Variants in ST8SIA5 observed in about 807,000 individuals in gnomAD.
The protein encoded by ST8SIA5 is alpha-2,8-sialyltransferase 8E.
In ST8SIA5, 24 loss-of-function variants were observed where a neutral mutation model predicts 40.2. The observed-to-expected ratio is 0.60, with a 90% CI of 0.43 to 0.84. The LOEUF (loss-of-function observed/expected upper bound fraction) is 0.84, where lower values mean the gene tolerates loss of function less well. Among genes scored for constraint, ST8SIA5 ranks in the 40% least tolerant of loss-of-function variants. ST8SIA5 has a pLI of 0.00. For synonymous variants in ST8SIA5, 198 were observed against 201.8 expected (o/e 0.98, Z 0.16); for missense variants, 465 against 498.5 (o/e 0.93, Z 0.64).
At chr18:46,690,557 A>C (rs949228178) in intron 3 of ST8SIA5, among the ~76,000 whole-genome samples, 1 of 149,768 alleles carries the variant, frequency 6.7e-6, no homozygotes, top group African/African-American at 2.5e-5. Context: ...TTCTCTTGCC[A>C]CATCATTTCC....
At position 46,674,298 on chromosome 18, in the gene ST8SIA5, G is replaced by A. The variant is rs180949407; in HGVS notation, c.*5744C>T. The A allele has an allele frequency of 6.6e-6, 1 of 152,262 alleles. No individual in the cohort carries two copies. The highest frequency in any genetic ancestry group is 1.9e-4 in the East Asian group (1 of 5,184). 9.4% of individuals were successfully genotyped at this position (152,262 alleles called of 1,614,324 possible). ...ATTGGCTAGCCAGCAAAAAGCAGAT[G>A]AGCAGGATTATAATGAGGGAAAACA... On this transcript the variant is annotated 3_prime_UTR_variant, in exon 7 of 7. Coordinates refer to ENST00000315087, the MANE Select transcript of ST8SIA5 (RefSeq NM_013305.6).
intron 4 of ST8SIA5, among the ~76,000 whole-genome samples, chr18:46,687,297 G>A (rs2039457983): frequency 6.6e-6 from 1 of 152,238 alleles, no homozygotes; most frequent in South Asian, 2.1e-4. Flanking sequence ...GTTTACTCAT[G>A]TCTGTAGCTG....
chr18:46,747,616 G>A (rs2040153311), intron 1 of ST8SIA5, among the ~76,000 whole-genome samples: 1 of 152,214 alleles, frequency 6.6e-6, no homozygotes, highest in Admixed American at 6.5e-5. Flanking sequence ...CTTTTACACT[G>A]TTGGTGGGAG....
At chr18:46,707,767 T>C (rs565701777) in intron 1 of ST8SIA5, among the ~76,000 whole-genome samples, 1 of 152,338 alleles carries the variant, frequency 6.6e-6, no homozygotes, top group South Asian at 2.1e-4. Flanking sequence ...AATGGGATCA[T>C]TGCCCTTACA....
At chr18:46,725,980 T>TATATATATATATATATATATATCCTGG (rs2039919215) in intron 1 of ST8SIA5, among the ~76,000 whole-genome samples, 2 of 54,044 alleles carry the variant, frequency 3.7e-5, no homozygotes, top group African/African-American at 1.7e-4. Context: ...AAAATATATA[T>TATATATATATATATATATATATCCTGG]ATATATATAT....
At chr18:46,707,762 G>A (rs796995890) in intron 1 of ST8SIA5, among the ~76,000 whole-genome samples, 3 of 152,292 alleles carry the variant, frequency 2.0e-5, no homozygotes, top group African/African-American at 7.2e-5. Context: ...CCATGAATGG[G>A]ATCATTGCCC....
intron 1 of ST8SIA5, among the ~76,000 whole-genome samples, chr18:46,721,083 C>A (rs1375897403): frequency 2.0e-5 from 3 of 152,114 alleles, no homozygotes; most frequent in African/African-American, 7.2e-5. Context: ...GGCCCCCACC[C>A]CTAAATGGAG....
At chr18:46,727,736 A>C (rs1052995703) in intron 1 of ST8SIA5, among the ~76,000 whole-genome samples, 2 of 152,150 alleles carry the variant, frequency 1.3e-5, no homozygotes, top group African/African-American at 2.4e-5. Flanking sequence ...AGAGCAGAGA[A>C]AGTATTCAAG....
At chr18:46,686,005 C>T (rs1361435167) in intron 5 of ST8SIA5, 169 bp downstream of exon 5, 1 of 649,806 alleles carries the variant, frequency 1.5e-6, no homozygotes, top group Non-Finnish European at 2.7e-6. Context: ...TCAACGACTT[C>T]CCCAAAGGGA....
intron 5 of ST8SIA5, among the ~76,000 whole-genome samples, chr18:46,682,890 A>C (rs1599097806): frequency 6.6e-6 from 1 of 152,244 alleles, no homozygotes; most frequent in Non-Finnish European, 1.5e-5. Flanking sequence ...CTAGGAAATG[A>C]AAAAGGAAAC....
chr18:46,684,544 CA>C (rs2039427334), intron 5 of ST8SIA5, among the ~76,000 whole-genome samples: 1 of 152,136 alleles, frequency 6.6e-6, no homozygotes. Flanking sequence ...GTAACTTACG[CA>C]AAGTAACACA....
Position 46,756,583 on chromosome 18 carries a change from G to A in ST8SIA5, c.-75C>T. 2.7e-6 allele frequency: 4 copies of A among 1,505,758 alleles called. No homozygotes were observed. Among genetic ancestry groups the A allele is most frequent in the East Asian group, 2.5e-5 (1 of 40,504 alleles). 93.3% of individuals were successfully genotyped at this position (1,505,758 alleles called of 1,614,324 possible). ...ACTCGCGGGGTTCCGGGGCCCCGGGGGGCGCGCGGCCGACTTGGCGCCTCA... is the reference window on the plus strand; with the variant it reads ...ACTCGCGGGGTTCCGGGGCCCCGGGAGGCGCGCGGCCGACTTGGCGCCTCA... On this transcript the variant is annotated 5_prime_UTR_variant, in exon 1 of 7. Coordinates refer to ENST00000315087, the MANE Select transcript of ST8SIA5 (RefSeq NM_013305.6).
chr18:46,688,485 C>T (rs115339464), intron 4 of ST8SIA5, among the ~76,000 whole-genome samples: 34 of 152,348 alleles, frequency 2.2e-4, no homozygotes, highest in African/African-American at 7.7e-4. Flanking sequence ...CTCTCCCTAT[C>T]TGCAGGATAT....
At chr18:46,754,036 A>G (rs2144578185) in intron 1 of ST8SIA5, among the ~76,000 whole-genome samples, 1 of 152,242 alleles carries the variant, frequency 6.6e-6, no homozygotes, top group East Asian at 1.9e-4. Context: ...GTGTTTGTAG[A>G]CAGGAGACAG....
chr18:46,728,459 A>T (rs1409898504), intron 1 of ST8SIA5, among the ~76,000 whole-genome samples: 2 of 152,246 alleles, frequency 1.3e-5, no homozygotes, highest in Non-Finnish European at 2.9e-5. Flanking sequence ...GCCCACTCAG[A>T]TGCTGGAATC....
intron 1 of ST8SIA5, among the ~76,000 whole-genome samples, chr18:46,724,987 GAGAGGAAGGAAGGAAGGAAGGAAGGA>G (rs1220221692): frequency 7.4e-6 from 1 of 135,222 alleles, no homozygotes. Flanking sequence ...AAGAAAGAGA[GAGAGGAAGGAAGGAAGGAAGGAAGGA>G]AGGAAGGAAG....
intron 2 of ST8SIA5, among the ~76,000 whole-genome samples, chr18:46,698,204 A>C (rs762679537): frequency 2.0e-5 from 3 of 152,004 alleles, no homozygotes; most frequent in Non-Finnish European, 4.4e-5. Flanking sequence ...TCACACCAAC[A>C]ATCAAAACAA....
intron 2 of ST8SIA5, among the ~76,000 whole-genome samples, chr18:46,699,711 TG>T (rs1381747866): frequency 6.6e-6 from 1 of 152,202 alleles, no homozygotes; most frequent in African/African-American, 2.4e-5. Context: ...GCCTCCTGTT[TG>T]CACCCGGGTC....
intron 5 of ST8SIA5, among the ~76,000 whole-genome samples, chr18:46,685,059 A>G (rs1167100180): frequency 6.6e-6 from 1 of 152,194 alleles, no homozygotes; most frequent in Non-Finnish European, 1.5e-5. Flanking sequence ...TAAGAGCTAT[A>G]CAATCATTAT....
Sources: gnomAD v4.1 joint callset for allele counts (sites outside exome capture counted in the v4.1 genomes callset) on GRCh38, gnomAD v4.1.1 for gene constraint, MANE v1.5 for transcripts, NCBI Gene and HGNC (gene_info 2026-07-23, HGNC 2026-07-21) for gene names.